The following ULK4 variants were observed in gnomAD, a reference collection of about 807,000 sequenced individuals.
ULK4 encodes the protein unc-51 like kinase 4.
A neutral mutation model predicts 160.6 loss-of-function variants in ULK4; 133 were observed. The observed-to-expected ratio is 0.83, with a 90% CI of 0.72 to 0.96. ULK4 has a LOEUF of 0.96. Ranked by LOEUF, ULK4 falls within the 40% of genes least tolerant of loss-of-function variation. The probability of loss-of-function intolerance (pLI) is 0.00; values close to 1 mark genes in which losing one functional copy is unlikely to be tolerated. For synonymous variants in ULK4, 534 were observed against 539.8 expected, an observed-to-expected ratio of 0.99 and a Z score of 0.15; for missense variants, 1,580 against 1,499.5, an observed-to-expected ratio of 1.05 and a Z score of -0.89.
At chr3:41,506,769 T>TATATATATAAATATATAA (rs1559658060) in intron 32 of ULK4, among the ~76,000 whole-genome samples, 1 of 31,616 alleles carries the variant, frequency 3.2e-5, no homozygotes, top group Non-Finnish European at 5.3e-5. Flanking sequence ...TGATTTAAAA[T>TATATATATAAATATATAA]ATATATATAT....
At chr3:41,938,926 A>T (rs1414938281) in intron 2 of ULK4, among the ~76,000 whole-genome samples, 1 of 152,144 alleles carries the variant, frequency 6.6e-6, no homozygotes, top group Non-Finnish European at 1.5e-5. Flanking sequence ...AAAGGGTAAA[A>T]ATTTTCTGCT....
chr3:41,627,470 T>C (rs957997934), intron 30 of ULK4, among the ~76,000 whole-genome samples: 1 of 152,210 alleles, frequency 6.6e-6, no homozygotes, highest in Non-Finnish European at 1.5e-5. Context: ...ATCCACTGTC[T>C]TTGAGCCCCC....
chr3:41,530,453 T>C (rs80350031), intron 32 of ULK4, among the ~76,000 whole-genome samples: 2,834 of 152,310 alleles, frequency 0.019, 56 homozygotes, highest in Non-Finnish European at 0.03. Flanking sequence ...ACTATGGACA[T>C]TGAGTGCATT....
chr3:41,725,916 G>A (rs904571211), intron 22 of ULK4, among the ~76,000 whole-genome samples: 1 of 152,178 alleles, frequency 6.6e-6, no homozygotes, highest in Non-Finnish European at 1.5e-5. Flanking sequence ...ATTCAAAAAT[G>A]AGCTTCTCTC....
intron 32 of ULK4, among the ~76,000 whole-genome samples, chr3:41,521,937 A>T (rs1469833135): frequency 2.0e-5 from 3 of 152,124 alleles, no homozygotes; most frequent in Non-Finnish European, 4.4e-5. Flanking sequence ...TCCTAGACTA[A>T]TAACTTTTTT....
At chr3:41,345,195 C>A (rs2080774689) in intron 35 of ULK4, among the ~76,000 whole-genome samples, 1 of 152,190 alleles carries the variant, frequency 6.6e-6, no homozygotes, top group African/African-American at 2.4e-5. Flanking sequence ...TTTAGTTCAA[C>A]CATTGTGGAT....
chr3:41,482,018 C>G (rs2084345632), intron 32 of ULK4, among the ~76,000 whole-genome samples: 1 of 151,948 alleles, frequency 6.6e-6, no homozygotes, highest in African/African-American at 2.4e-5. Flanking sequence ...TGGGTGCGTT[C>G]CTCCTCTTAC....
chr3:41,832,798 C>T, intron 18 of ULK4, among the ~76,000 whole-genome samples: 1 of 152,182 alleles, frequency 6.6e-6, no homozygotes, highest in East Asian at 1.9e-4. Context: ...AAATAGGGAA[C>T]CTTTCCCCAT....
At chr3:41,935,354 A>C (rs55689615) in intron 4 of ULK4, among the ~76,000 whole-genome samples, 8,444 of 151,056 alleles carry the variant, frequency 0.056, 433 homozygotes, top group East Asian at 0.16. Flanking sequence ...AGCCTCTCAG[A>C]TAGTTGGGAC....
intron 22 of ULK4, among the ~76,000 whole-genome samples, chr3:41,721,358 ATATATTTT>A (rs1236358253): frequency 6.5e-4 from 40 of 61,250 alleles, no homozygotes; most frequent in African/African-American, 9.6e-4. Context: ...ATATATATAT[ATATATTTT>A]TTTTTTTTTT....
chr3:41,429,720 C>T (rs2082859845), intron 34 of ULK4, among the ~76,000 whole-genome samples: 1 of 151,390 alleles, frequency 6.6e-6, no homozygotes, highest in African/African-American at 2.4e-5. Context: ...AGAGGAACAA[C>T]ACATACTGGG....
chr3:41,590,108 T>C (rs909607456), intron 31 of ULK4, among the ~76,000 whole-genome samples: 2 of 151,792 alleles, frequency 1.3e-5, no homozygotes, highest in Non-Finnish European at 2.9e-5. Context: ...ATTCACGCCA[T>C]TCTCCTGCCT....
chr3:41,896,854 C>G lies in ULK4; in HGVS notation c.1498G>C (p.Glu500Gln). 8.1e-6 allele frequency: 13 copies of G among 1,613,190 alleles called. No homozygotes were observed. The highest frequency in any genetic ancestry group is 1.0e-5 in the Non-Finnish European group (12 of 1,179,754). Reference sequence around the variant, plus strand: ...GAATGGAGGAGCCTGGTGGCCACCTCCTGGTGACCAGCCACCACGCACAAA... The same window carrying G: ...GAATGGAGGAGCCTGGTGGCCACCTGCTGGTGACCAGCCACCACGCACAAA... ...CYLCVVAGHQ[E>Q]VATRLLHSPL... is the part of the protein sequence containing the mutation. The change falls in exon 15 of 37, where the codon GAG (glutamate) becomes CAG (glutamine). Residue 500 changes from glutamate to glutamine, a missense_variant. Transcript: ENST00000301831.
chr3:41,783,840 T>C (rs1283046437), intron 21 of ULK4, among the ~76,000 whole-genome samples: 1 of 152,164 alleles, frequency 6.6e-6, no homozygotes, highest in Non-Finnish European at 1.5e-5. Flanking sequence ...GCAGGAAACA[T>C]CCATGAACTC....
chr3:41,329,578 T>C (rs1480938034), intron 35 of ULK4, among the ~76,000 whole-genome samples: 1 of 147,776 alleles, frequency 6.8e-6, no homozygotes, highest in Non-Finnish European at 1.5e-5. Context: ...AAGAAATCTA[T>C]AAAAAATTGA....
At chr3:41,660,748 C>T (rs78752290) in intron 30 of ULK4, among the ~76,000 whole-genome samples, 2,979 of 152,222 alleles carry the variant, frequency 0.02, 44 homozygotes, top group Middle Eastern at 0.037. Context: ...CTTATTTTAA[C>T]GCTGTTTTTC....
chr3:41,622,349 C>A (rs1037034317), intron 30 of ULK4, among the ~76,000 whole-genome samples: 1 of 152,118 alleles, frequency 6.6e-6, no homozygotes, highest in Admixed American at 6.5e-5. Flanking sequence ...TGAAACCAAC[C>A]CAAATGCCCA....
intron 16 of ULK4, among the ~76,000 whole-genome samples, chr3:41,886,533 A>C (rs1697727362): frequency 6.6e-6 from 1 of 152,176 alleles, no homozygotes; most frequent in African/African-American, 2.4e-5. Context: ...GATTCCCTTT[A>C]AACTAAAAAC....
At chr3:41,799,643 C>T (rs938952462) in intron 20 of ULK4, among the ~76,000 whole-genome samples, 1 of 152,124 alleles carries the variant, frequency 6.6e-6, no homozygotes, top group Non-Finnish European at 1.5e-5. Context: ...AGGCAGATTG[C>T]TTGAGGCCAG....
Sources: gnomAD v4.1 joint callset for allele counts (sites outside exome capture counted in the v4.1 genomes callset) on GRCh38, gnomAD v4.1.1 for gene constraint, MANE v1.5 for transcripts, NCBI Gene and HGNC (gene_info 2026-07-23, HGNC 2026-07-21) for gene names.